PRICKLE1: variants seen among roughly 807,000 people sequenced by gnomAD.
PRICKLE1 encodes prickle planar cell polarity protein 1.
Under a neutral mutation model 70.2 loss-of-function variants are expected in PRICKLE1, and 14 were observed. The ratio of observed to expected loss-of-function variants is 0.20; its 90% confidence interval spans 0.13 to 0.31. The LOEUF is 0.31. Among genes scored for constraint, PRICKLE1 ranks in the 10% least tolerant of loss-of-function variants. The pLI, the probability that PRICKLE1 is intolerant of heterozygous loss-of-function variation, is 1.00. For synonymous variants in PRICKLE1, 357 were observed against 379.9 expected (o/e 0.94, Z 0.70); for missense variants, 821 against 1,026.2 (o/e 0.80, Z 2.73).
intron 1 of PRICKLE1, among the ~76,000 whole-genome samples, chr12:42,532,868 G>A (rs1711886791): frequency 1.4e-5 from 2 of 146,920 alleles, no homozygotes; most frequent in Admixed American, 1.4e-4. Flanking sequence ...CTGCACTCCA[G>A]CCTGGGCGAG....
At chr12:42,504,905 G>A (rs1323504348) in intron 1 of PRICKLE1, among the ~76,000 whole-genome samples, 1 of 152,128 alleles carries the variant, frequency 6.6e-6, no homozygotes, top group Admixed American at 6.6e-5. Context: ...ACTTTGGGAG[G>A]CTAAGGCGGG....
At chr12:42,514,408 C>CA (rs1555235119) in intron 1 of PRICKLE1, among the ~76,000 whole-genome samples, 6 of 151,634 alleles carry the variant, frequency 4.0e-5, no homozygotes, top group Non-Finnish European at 5.9e-5. Flanking sequence ...AGATCATCAT[C>CA]TTTTTTTTTG....
At chr12:42,539,360 C>T (rs12809745) in intron 1 of PRICKLE1, among the ~76,000 whole-genome samples, 6,886 of 151,098 alleles carry the variant, frequency 0.046, 213 homozygotes, top group South Asian at 0.084. Flanking sequence ...CCCAGCTACT[C>T]GGGAGGCTGA....
At chr12:42,497,405 A>C (rs562619871) in intron 1 of PRICKLE1, among the ~76,000 whole-genome samples, 100 of 151,938 alleles carry the variant, frequency 6.6e-4, no homozygotes, top group South Asian at 4.4e-3. Flanking sequence ...CAAAATTAGC[A>C]GGGCGTGGTG....
chr12:42,491,902 G>C (rs981953483), intron 1 of PRICKLE1, among the ~76,000 whole-genome samples: 10 of 150,056 alleles, frequency 6.7e-5, no homozygotes, highest in African/African-American at 2.5e-4. Context: ...TCCTGCCTCA[G>C]CCTCTCGAGC....
intron 1 of PRICKLE1, among the ~76,000 whole-genome samples, chr12:42,532,693 C>T (rs1270024665): frequency 6.6e-6 from 1 of 151,908 alleles, no homozygotes; most frequent in Admixed American, 6.6e-5. Context: ...GTCAGGAGAT[C>T]GAGACCATCC....
intron 1 of PRICKLE1, among the ~76,000 whole-genome samples, chr12:42,561,774 C>A (rs1015944403): frequency 6.6e-6 from 1 of 152,130 alleles, no homozygotes; most frequent in Admixed American, 6.6e-5. Context: ...AAAGTCATGT[C>A]TAAGGCTGGC....
chr12:42,511,743 A>G (rs2120396300), intron 1 of PRICKLE1, among the ~76,000 whole-genome samples: 1 of 152,302 alleles, frequency 6.6e-6, no homozygotes, highest in African/African-American at 2.4e-5. Flanking sequence ...AGCCACCTAG[A>G]TGCTGGAAGC....
chr12:42,504,099 G>T (rs17091305), intron 1 of PRICKLE1, among the ~76,000 whole-genome samples: 6,256 of 152,186 alleles, frequency 0.041, 157 homozygotes, highest in South Asian at 0.083. Context: ...AAAAAGGGAG[G>T]AAAATGAGAT....
chr12:42,466,125 A>G (rs909829994), intron 6 of PRICKLE1, 69 bp downstream of exon 6: 1 of 1,535,704 alleles, frequency 6.5e-7, no homozygotes, highest in African/African-American at 1.4e-5. Context: ...AAAAGAAAAA[A>G]TAAGACTGGA....
chr12:42,504,152 C>T (rs1939364261), intron 1 of PRICKLE1, among the ~76,000 whole-genome samples: 2 of 152,058 alleles, frequency 1.3e-5, no homozygotes, highest in South Asian at 2.1e-4. Context: ...TATCATAAAA[C>T]GTGAGGACCC....
intron 1 of PRICKLE1, among the ~76,000 whole-genome samples, chr12:42,537,697 A>C (rs934273427): frequency 6.6e-6 from 1 of 152,208 alleles, no homozygotes; most frequent in African/African-American, 2.4e-5. Context: ...TGAATATTTC[A>C]TATGTGCTGA....
intron 1 of PRICKLE1, among the ~76,000 whole-genome samples, chr12:42,542,600 G>A (rs1036122368): frequency 2.6e-5 from 4 of 152,130 alleles, no homozygotes; most frequent in Non-Finnish European, 4.4e-5. Flanking sequence ...GCAGTGAGCC[G>A]AGATCATGCC....
intron 1 of PRICKLE1, among the ~76,000 whole-genome samples, chr12:42,580,292 A>G (rs567104560): frequency 3.8e-4 from 58 of 152,220 alleles, no homozygotes; most frequent in Non-Finnish European, 8.4e-4. Flanking sequence ...GAGGAAACAT[A>G]GGATCAATTT....
intron 1 of PRICKLE1, among the ~76,000 whole-genome samples, chr12:42,562,288 C>T (rs960022239): frequency 2.6e-5 from 4 of 152,182 alleles, no homozygotes. Context: ...TATATGCTAA[C>T]ATGGTAATAG....
At chr12:42,573,758 C>A (rs909981742) in intron 1 of PRICKLE1, among the ~76,000 whole-genome samples, 4 of 152,114 alleles carry the variant, frequency 2.6e-5, no homozygotes, top group African/African-American at 9.7e-5. Context: ...TGGTCTCAAA[C>A]TCCTGGGCTC....
At chr12:42,576,485 G>A (rs1200259504) in intron 1 of PRICKLE1, among the ~76,000 whole-genome samples, 1 of 152,172 alleles carries the variant, frequency 6.6e-6, no homozygotes. Flanking sequence ...GCCCACAAAG[G>A]TGTCATTAAG....
chr12:42,512,421 C>G (rs180765151), intron 1 of PRICKLE1, among the ~76,000 whole-genome samples: 2 of 152,282 alleles, frequency 1.3e-5, no homozygotes, highest in South Asian at 2.1e-4. Context: ...AGCGATCCAC[C>G]CGCCTTGGCC....
At chr12:42,461,001 C>T (rs769485007) in intron 7 of PRICKLE1, among the ~76,000 whole-genome samples, 1 of 152,174 alleles carries the variant, frequency 6.6e-6, no homozygotes, top group African/African-American at 2.4e-5. Flanking sequence ...CCTGCCTCAA[C>T]CTCCTGAGTA....
Sources: allele counts gnomAD v4.1 joint callset (sites outside exome capture counted in the v4.1 genomes callset), GRCh38; gene constraint gnomAD v4.1.1; transcripts MANE v1.5; gene names NCBI Gene and HGNC (gene_info 2026-07-23, HGNC 2026-07-21).